Variants in MAML3 observed in about 807,000 individuals in gnomAD.
MAML3 encodes the protein mastermind like transcriptional coactivator 3, also known as mastermind-like protein 3.
MAML3 carries 27 observed loss-of-function variants against 101.9 expected under a neutral mutation model. The observed-to-expected ratio is 0.27, with a 90% confidence interval of 0.20 to 0.37. The LOEUF is 0.37. Ranked by LOEUF, MAML3 falls within the 10% of genes least tolerant of loss-of-function variation. The pLI, the probability that MAML3 is intolerant of heterozygous loss-of-function variation, is 1.00. For synonymous variants in MAML3, 501 were observed against 555.9 expected (o/e 0.90, Z 1.39); for missense variants, 1,316 against 1,444.9 (o/e 0.91, Z 1.45).
intron 1 of MAML3, among the ~76,000 whole-genome samples, chr4:140,021,269 CTATTTT>C (rs1726728385): frequency 3.3e-5 from 5 of 152,138 alleles, no homozygotes; most frequent in African/African-American, 1.2e-4. Flanking sequence ...AGTTACTTAA[CTATTTT>C]TAATTTTCTA....
chr4:140,024,641 A>G (rs1726790486), intron 1 of MAML3, among the ~76,000 whole-genome samples: 1 of 152,204 alleles, frequency 6.6e-6, no homozygotes, highest in African/African-American at 2.4e-5. Flanking sequence ...AATTTGTAAA[A>G]CAATAGAACC....
At chr4:139,894,570 AAAC>A (rs1309398457) in intron 1 of MAML3, among the ~76,000 whole-genome samples, 2 of 152,126 alleles carry the variant, frequency 1.3e-5, no homozygotes, top group Non-Finnish European at 1.5e-5. Context: ...AAAGAAAAGT[AAAC>A]AGAGTAGAAA....
chr4:139,937,437 A>G (rs1455175145), intron 1 of MAML3, among the ~76,000 whole-genome samples: 5 of 151,072 alleles, frequency 3.3e-5, no homozygotes, highest in Non-Finnish European at 1.5e-5. Flanking sequence ...CACCCAGGAT[A>G]GTGTGGTGGT....
At chr4:139,806,245 A>C (rs1410717316) in intron 2 of MAML3, among the ~76,000 whole-genome samples, 4 of 152,164 alleles carry the variant, frequency 2.6e-5, no homozygotes, top group African/African-American at 9.6e-5. Flanking sequence ...GCATAAATGC[A>C]AATTTATAAT....
Position 139,774,795 on chromosome 4 carries a change from G to T in MAML3, c.2080-44128C>A, listed in dbSNP as rs530317422. Reference sequence around the variant, plus strand: ...TACTACAAATGGCAGTTGCAGAATGGCTTGAACTGCTATATGATATCTTAT... The same window carrying T: ...TACTACAAATGGCAGTTGCAGAATGTCTTGAACTGCTATATGATATCTTAT... On this transcript the variant is annotated intron_variant, in intron 2 of 4. Coordinates refer to ENST00000509479, the MANE Select transcript of MAML3 (RefSeq NM_018717.5). Among the ~76,000 whole-genome samples the T allele has an allele frequency of 3.9e-5, 6 of 152,288 alleles. No homozygotes were observed. The South Asian group carries it at 1.2e-3, about 32-fold the overall frequency.
chr4:140,025,787 C>T (rs966117263), intron 1 of MAML3, among the ~76,000 whole-genome samples: 2 of 152,148 alleles, frequency 1.3e-5, no homozygotes, highest in Non-Finnish European at 2.9e-5. Context: ...CTCTCAACCG[C>T]GATTGAAAAA....
At chr4:139,782,800 C>T (rs978286563) in intron 2 of MAML3, among the ~76,000 whole-genome samples, 2 of 152,180 alleles carry the variant, frequency 1.3e-5, no homozygotes, top group Non-Finnish European at 2.9e-5. Flanking sequence ...CTGATGTCAA[C>T]CCCACAGCTC....
chr4:140,108,488 G>A (rs1231625149), intron 1 of MAML3, among the ~76,000 whole-genome samples: 1 of 151,476 alleles, frequency 6.6e-6, no homozygotes, highest in Non-Finnish European at 1.5e-5. Context: ...TACCACATTT[G>A]AATCTTGGTT....
intron 2 of MAML3, among the ~76,000 whole-genome samples, chr4:139,866,434 C>A (rs928120566): frequency 1.3e-5 from 2 of 152,114 alleles, no homozygotes; most frequent in African/African-American, 4.8e-5. Flanking sequence ...GTAGCCAGGC[C>A]TTCTTTGCAC....
chr4:139,876,676 A>C (rs1732121031), intron 2 of MAML3, among the ~76,000 whole-genome samples: 1 of 152,190 alleles, frequency 6.6e-6, no homozygotes, highest in Non-Finnish European at 1.5e-5. Flanking sequence ...AGTGGCTTTT[A>C]GGGAATGATC....
At chr4:139,736,167 A>C (rs558568081) in intron 2 of MAML3, among the ~76,000 whole-genome samples, 1 of 152,070 alleles carries the variant, frequency 6.6e-6, no homozygotes, top group African/African-American at 2.4e-5. Context: ...GTAAAAAAAA[A>C]TTTTTTTTAA....
In MAML3 at chr4:139,735,567, G is replaced by T. The variant is rs889753586; in HGVS notation, c.2080-4900C>A. On this transcript the variant is annotated intron_variant, in intron 2 of 4. Coordinates refer to ENST00000509479, the MANE Select transcript of MAML3 (RefSeq NM_018717.5). The surrounding 1 kb of genome is among the most constrained non-coding windows in gnomAD (Gnocchi z 5.8). ...TGCACAAAGCCGGCCCGGGGAGGGG[G>T]CGATAAGGAGCGAGCCTCGGGTCGG... Among the ~76,000 whole-genome samples, 25 of 152,166 alleles carry T rather than the reference G, an allele frequency of 1.6e-4. No homozygotes were observed. The highest frequency in any genetic ancestry group is 5.5e-4 in the African/African-American group (23 of 41,444).
chr4:140,046,174 A>G (rs979047691), intron 1 of MAML3, among the ~76,000 whole-genome samples: 93 of 152,194 alleles, frequency 6.1e-4, no homozygotes, highest in African/African-American at 2.1e-3. Flanking sequence ...GTTCTGACAA[A>G]TAAGTTGTGA....
chr4:140,141,359 A>G (rs1035215140), intron 1 of MAML3, among the ~76,000 whole-genome samples: 1 of 152,224 alleles, frequency 6.6e-6, no homozygotes, highest in African/African-American at 2.4e-5. Flanking sequence ...CCAGGTCAGC[A>G]GGTTGTTATT....
At chr4:139,820,653 T>C (rs1730957758) in intron 2 of MAML3, among the ~76,000 whole-genome samples, 1 of 152,226 alleles carries the variant, frequency 6.6e-6, no homozygotes, top group Non-Finnish European at 1.5e-5. Context: ...TTTTATATTC[T>C]ATCTTTTTCA....
At chr4:139,742,590 G>A (rs1305669491) in intron 2 of MAML3, among the ~76,000 whole-genome samples, 1 of 152,160 alleles carries the variant, frequency 6.6e-6, no homozygotes, top group East Asian at 1.9e-4. Flanking sequence ...TTTAGGTGGG[G>A]CCTATATTTT....
intron 2 of MAML3, among the ~76,000 whole-genome samples, chr4:139,858,316 T>C (rs1335393496): frequency 6.6e-6 from 1 of 152,238 alleles, no homozygotes; most frequent in Non-Finnish European, 1.5e-5. Context: ...CTTTCTTCAA[T>C]GTACTGTATT....
chr4:140,125,973 T>G (rs1434206756), intron 1 of MAML3, among the ~76,000 whole-genome samples: 1 of 152,016 alleles, frequency 6.6e-6, no homozygotes, highest in East Asian at 1.9e-4. Context: ...AGACAGAGTT[T>G]CACCATGTTG....
chr4:140,023,648 G>A (rs1163122182), intron 1 of MAML3, among the ~76,000 whole-genome samples: 1 of 152,142 alleles, frequency 6.6e-6, no homozygotes, highest in African/African-American at 2.4e-5. Flanking sequence ...AAAGTTTCTT[G>A]TGCTTTTTCA....
Sources: allele counts gnomAD v4.1 joint callset (sites outside exome capture counted in the v4.1 genomes callset), GRCh38; gene constraint gnomAD v4.1.1; non-coding constraint Gnocchi (gnomAD v3.1); transcripts MANE v1.5; gene names NCBI Gene and HGNC (gene_info 2026-07-23, HGNC 2026-07-21).